Variants in VDR observed in about 807,000 individuals in gnomAD.
VDR encodes vitamin D receptor.
A neutral mutation model predicts 39.7 loss-of-function variants in VDR; 19 were observed. That is an observed-to-expected ratio of 0.48 (90% CI 0.33 to 0.70). The LOEUF (loss-of-function observed/expected upper bound fraction) is 0.70, where lower values mean the gene tolerates loss of function less well. VDR is among the 30% of genes least tolerant of loss of function. The probability of loss-of-function intolerance (pLI) is 0.02; values close to 1 mark genes in which losing one functional copy is unlikely to be tolerated. For synonymous variants in VDR, 242 were observed against 215.8 expected, an observed-to-expected ratio of 1.12 and a Z score of -1.07; for missense variants, 442 against 570.5, an observed-to-expected ratio of 0.77 and a Z score of 2.29.
intron 7 of VDR, among the ~76,000 whole-genome samples, chr12:47,855,339 A>AAAATAAAAAATAAAT (rs1945460671): frequency 6.8e-6 from 1 of 146,434 alleles, no homozygotes; most frequent in African/African-American, 2.6e-5. Flanking sequence ...AAAAAAAATA[A>AAAATAAAAAATAAAT]AAATAAATAA....
intron 7 of VDR, among the ~76,000 whole-genome samples, chr12:47,847,382 C>G (rs1053199474): frequency 6.6e-6 from 1 of 152,090 alleles, no homozygotes; most frequent in East Asian, 1.9e-4. Flanking sequence ...TCTTTCTTAC[C>G]ACTGCTGCAG....
At chr12:47,869,181 G>A (rs886441) in intron 3 of VDR, among the ~76,000 whole-genome samples, 113,761 of 152,140 alleles carry the variant, frequency 0.75, 43,406 homozygotes, top group East Asian at 0.96. Context: ...ATGTCTATAC[G>A]CAGGAGGGTT....
chr12:47,842,623 A>ATTTTTTTTTTT lies in VDR; in HGVS notation c.*2112_*2122dup, dbSNP rs17878969. On this transcript the variant is annotated 3_prime_UTR_variant, in exon 10 of 10. Coordinates refer to ENST00000549336, the MANE Select transcript of VDR (RefSeq NM_000376.3). ...CAGGCTTGCGCCACCATGCCCGGCT[A>ATTTTTTTTTTT]TTTTTTTTTTTTTTTTTTTTGTATT... is the stretch of plus-strand genomic sequence containing the variant. 2.3e-5 allele frequency: 3 copies of ATTTTTTTTTTT among 131,072 alleles called. No homozygotes were observed. The highest frequency in any genetic ancestry group is 3.1e-5 in the Non-Finnish European group (2 of 63,670). 8.1% of individuals were successfully genotyped at this position (131,072 alleles called of 1,614,324 possible).
At chr12:47,899,703 A>G (rs1211336670) in intron 1 of VDR, 1 of 173,490 alleles carries the variant, frequency 5.8e-6, no homozygotes, top group Non-Finnish European at 1.1e-5. Context: ...AGCGGTTTGT[A>G]TGGCCAGGCC....
chr12:47,871,356 T>TTCTTTCTTTCTC, intron 3 of VDR, among the ~76,000 whole-genome samples: 1 of 146,828 alleles, frequency 6.8e-6, no homozygotes, highest in Admixed American at 6.9e-5. Flanking sequence ...CTTTCTTTCT[T>TTCTTTCTTTCTC]TCCTTTCTCT....
chr12:47,860,987 C>A (rs1197232890), intron 4 of VDR, among the ~76,000 whole-genome samples: 1 of 152,230 alleles, frequency 6.6e-6, no homozygotes, highest in African/African-American at 2.4e-5. Flanking sequence ...CCCTTTAAGG[C>A]AGGTGCTGTT....
intron 1 of VDR, among the ~76,000 whole-genome samples, chr12:47,885,545 G>T (rs991362633): frequency 6.6e-6 from 1 of 152,238 alleles, no homozygotes; most frequent in Non-Finnish European, 1.5e-5. Flanking sequence ...TCATGGCTCA[G>T]TTTAACTCCA....
intron 9 of VDR, among the ~76,000 whole-genome samples, chr12:47,845,694 T>C (rs1945266325): frequency 6.6e-6 from 1 of 152,146 alleles, no homozygotes; most frequent in African/African-American, 2.4e-5. Context: ...GAAGGCTGGC[T>C]GGGCAGGGGT....
intron 1 of VDR, chr12:47,899,822 C>T: frequency 1.1e-6 from 1 of 879,266 alleles, no homozygotes; most frequent in Non-Finnish European, 1.4e-6. Context: ...TGCTAGAGAA[C>T]ATAACTGTAC....
chr12:47,880,099 C>CT (rs1225764052), intron 2 of VDR, among the ~76,000 whole-genome samples: 1 of 152,190 alleles, frequency 6.6e-6, no homozygotes, highest in Non-Finnish European at 1.5e-5. Flanking sequence ...TCAGACCCTA[C>CT]TGCCTCCCAG....
chr12:47,865,004 C>T (rs763946530), intron 4 of VDR, 43 bp downstream of exon 4: 68 of 1,610,364 alleles, frequency 4.2e-5, no homozygotes, highest in Admixed American at 1.3e-4. Flanking sequence ...CTTTCCCTGA[C>T]TCCACTTCAG....
At chr12:47,846,605 C>G in intron 8 of VDR, 52 bp downstream of exon 8, 1 of 1,611,218 alleles carries the variant, frequency 6.2e-7, no homozygotes, top group Non-Finnish European at 8.5e-7. Context: ...ACGGGTGGAG[C>G]CAGAATCTGG....
intron 7 of VDR, among the ~76,000 whole-genome samples, chr12:47,850,407 T>C (rs1945362389): frequency 6.6e-6 from 1 of 152,218 alleles, no homozygotes; most frequent in African/African-American, 2.4e-5. Context: ...TCATAGGTAA[T>C]TCTGGGAGGA....
At position 47,897,990 on chromosome 12, in the gene VDR, T is replaced by C. The variant is rs573393855; in HGVS notation, c.-84+6965A>G. On this transcript the variant is annotated intron_variant, in intron 1 of 9. Coordinates refer to ENST00000549336, the MANE Select transcript of VDR (RefSeq NM_000376.3). Reference sequence around the variant, plus strand: ...AAAACTGATGCCCAAGGAAAATATATATTCCTCCCCAGGTATTAATTGAGC... The same window carrying C: ...AAAACTGATGCCCAAGGAAAATATACATTCCTCCCCAGGTATTAATTGAGC... Among the ~76,000 whole-genome samples the C allele has an allele frequency of 2.0e-5, 3 of 152,300 alleles. No homozygotes were observed. The East Asian group carries it at 5.8e-4, about 29-fold the overall frequency.
rs2137122900 is a variant in VDR, at chr12:47,846,671, C to T, written c.893G>A (p.Ser298Asn). Residue 298 changes from serine to asparagine, a missense_variant, in exon 8 of 10, where the codon AGT becomes AAT. Coordinates refer to ENST00000549336, the MANE Select transcript of VDR (RefSeq NM_000376.3). The stretch of plus-strand genomic sequence containing the variant: ...TCTAGGCATACCTTTGGTCACGTCA[C>T]TGACGCGGTACTTGTAGTCTTGGTT... ...CGNQDYKYRVSDVTKAGHSLE... is the reference protein window; with the variant it reads ...CGNQDYKYRVNDVTKAGHSLE... The T allele has an allele frequency of 6.2e-7, 1 of 1,613,872 alleles. No homozygotes were observed. Among genetic ancestry groups the T allele is most frequent in the East Asian group, 2.2e-5 (1 of 44,886 alleles).
intron 1 of VDR, among the ~76,000 whole-genome samples, chr12:47,888,453 C>T (rs542354488): frequency 6.6e-6 from 1 of 152,288 alleles, no homozygotes; most frequent in Non-Finnish European, 1.5e-5. Context: ...CCCATGAGGC[C>T]TCAGGCAGTG....
At chr12:47,874,946 T>C (rs1353626039) in intron 3 of VDR, among the ~76,000 whole-genome samples, 3 of 152,240 alleles carry the variant, frequency 2.0e-5, no homozygotes, top group African/African-American at 4.8e-5. Context: ...TGTTAACATA[T>C]AGCCAAGAGG....
intron 2 of VDR, among the ~76,000 whole-genome samples, chr12:47,880,735 G>C (rs537229285): frequency 4.0e-5 from 6 of 151,588 alleles, no homozygotes; most frequent in African/African-American, 1.5e-4. Context: ...GGCAAAGATC[G>C]CAATTACTTT....
intron 6 of VDR, among the ~76,000 whole-genome samples, chr12:47,856,683 T>C (rs915981128): frequency 6.6e-6 from 1 of 151,118 alleles, no homozygotes; most frequent in South Asian, 2.1e-4. Context: ...TCAGCTGAGC[T>C]GGAGGGGACA....
Sources: allele counts gnomAD v4.1 joint callset (sites outside exome capture counted in the v4.1 genomes callset), GRCh38; gene constraint gnomAD v4.1.1; transcripts MANE v1.5; gene names NCBI Gene and HGNC (gene_info 2026-07-23, HGNC 2026-07-21).